The following TP63 variants were observed in gnomAD, a reference collection of about 807,000 sequenced individuals.
The protein encoded by TP63 is tumor protein p63, also known as tumor protein 63.
TP63 carries 17 observed loss-of-function variants against 82.8 expected under a neutral mutation model. The observed-to-expected ratio is 0.21, with a 90% CI of 0.14 to 0.31. The LOEUF (loss-of-function observed/expected upper bound fraction) is 0.31. Among genes scored for constraint, TP63 ranks in the 10% least tolerant of loss-of-function variants. TP63 has a pLI of 1.00. For missense variants in TP63, 648 were observed against 895.3 expected, an observed-to-expected ratio of 0.72 and a Z score of 3.52; for synonymous variants, 330 against 321.7, an observed-to-expected ratio of 1.03 and a Z score of -0.28.
At chr3:189,789,238 A>C (rs1724879007) in intron 3 of TP63, among the ~76,000 whole-genome samples, 1 of 152,048 alleles carries the variant, frequency 6.6e-6, no homozygotes, top group African/African-American at 2.4e-5. Context: ...ACTTTGTGTA[A>C]TCATTCTTGA....
chr3:189,737,864 G>A lies in TP63; in HGVS notation c.187G>A (p.Glu63Lys), dbSNP rs1720709001. Reference protein sequence around the residue: ...EVFQHIWDFLEQPICSVQPID... With the variant: ...EVFQHIWDFLKQPICSVQPID... ...TTTCCAGCATATCTGGGATTTTCTG[G>A]AACAGTAAGTATAAAACAAGCAAGA... The change falls in exon 2 of 14, where the codon GAA becomes AAA. Residue 63 changes from glutamate to lysine, a missense_variant. By Grantham distance (56) the Glu-to-Lys change is moderately conservative. Around this residue, in one of 5 missense-constraint regions of TP63, gnomAD observed 182 missense variants for 213.6 expected, o/e 0.85. Coordinates refer to ENST00000264731, the MANE Select transcript of TP63 (RefSeq NM_003722.5). 1 of 1,613,660 alleles carries A rather than the reference G, an allele frequency of 6.2e-7. No individual in the cohort carries two copies.
Position 189,873,641 on chromosome 3 carries a change from C to T in TP63, c.1349+646C>T, listed in dbSNP as rs192687078. ...AAGCCAGATTTTTCAAGTATATTAC[C>T]ATATACATATAACCTATTTATATGT... On this transcript the variant is annotated intron_variant, in intron 10 of 13. Transcript: ENST00000264731. 6 of 161,700 alleles carry T rather than the reference C, an allele frequency of 3.7e-5. No individual in the cohort carries two copies. The East Asian group carries it at 8.8e-4, about 24-fold the overall frequency. 10.0% of individuals were successfully genotyped at this position (161,700 alleles called of 1,614,324 possible).
chr3:189,724,769 G>A (rs1719646733), intron 1 of TP63, among the ~76,000 whole-genome samples: 2 of 152,166 alleles, frequency 1.3e-5, no homozygotes, highest in South Asian at 4.1e-4. Context: ...CAAGCATTAT[G>A]GTTATGGAAC....
chr3:189,878,922 C>T (rs948943959), intron 10 of TP63, among the ~76,000 whole-genome samples: 1 of 143,282 alleles, frequency 7.0e-6, no homozygotes, highest in Non-Finnish European at 1.5e-5. Flanking sequence ...GCCACCGCGC[C>T]CAGCCTACAG....
chr3:189,694,817 TTTTTTTGAG>T (rs1717237272), intron 1 of TP63, among the ~76,000 whole-genome samples: 1 of 79,436 alleles, frequency 1.3e-5, no homozygotes, highest in African/African-American at 4.8e-5. Context: ...TTTTTTTTTT[TTTTTTTGAG>T]ACAGAGTCTC....
intron 1 of TP63, among the ~76,000 whole-genome samples, chr3:189,704,042 C>A (rs934741571): frequency 6.6e-6 from 1 of 152,234 alleles, no homozygotes; most frequent in Non-Finnish European, 1.5e-5. Flanking sequence ...GAGAACATTT[C>A]TTTGGGTTCA....
chr3:189,647,588 A>G (rs1712526837), intron 1 of TP63, among the ~76,000 whole-genome samples: 1 of 146,644 alleles, frequency 6.8e-6, no homozygotes, highest in Non-Finnish European at 1.5e-5. Flanking sequence ...GATTGTTTTT[A>G]GGGAGATGGG....
At chr3:189,686,710 G>T (rs1450152903) in intron 1 of TP63, among the ~76,000 whole-genome samples, 1 of 148,838 alleles carries the variant, frequency 6.7e-6, no homozygotes, top group Non-Finnish European at 1.5e-5. Context: ...CTTTACTCAG[G>T]GGGTGGGGGG....
intron 3 of TP63, among the ~76,000 whole-genome samples, chr3:189,747,610 T>A (rs1193495611): frequency 6.6e-6 from 1 of 151,946 alleles, no homozygotes; most frequent in African/African-American, 2.4e-5. Flanking sequence ...TTTATAGTAA[T>A]AAATGCCTAC....
chr3:189,737,151 A>G (rs1014354597), intron 1 of TP63, among the ~76,000 whole-genome samples: 2 of 152,174 alleles, frequency 1.3e-5, no homozygotes, highest in African/African-American at 4.8e-5. Context: ...CCACCCACAC[A>G]TCAAGGTAAG....
rs377505717 is a variant in TP63, at chr3:189,864,208, T to A, written c.580-24T>A. The A allele has an allele frequency of 2.7e-5, 44 of 1,614,100 alleles. No individual in the cohort carries two copies. In the African/African-American group the frequency reaches 4.7e-4, roughly 17 times the overall value. Reference sequence around the variant, plus strand: ...TCCTGTTGGTTCTCTCCTTCCTTTCTCCACTGGCCCCAACTCTAAGCAGTA... The same window carrying A: ...TCCTGTTGGTTCTCTCCTTCCTTTCACCACTGGCCCCAACTCTAAGCAGTA... On this transcript the variant is annotated intron_variant, in intron 4 of 13. Coordinates refer to ENST00000264731, the MANE Select transcript of TP63 (RefSeq NM_003722.5).
At chr3:189,645,509 T>C (rs953937193) in intron 1 of TP63, 3 of 181,904 alleles carry the variant, frequency 1.6e-5, no homozygotes, top group African/African-American at 7.1e-5. Flanking sequence ...ATTTTTTTAT[T>C]ATTTATTTTA....
Position 189,735,681 on chromosome 3 carries a change from C to T in TP63, c.63-2059C>T, listed in dbSNP as rs976331429. ...CTGATGCAGGAACATTCTAAATAGC[C>T]GCTTTACCCATAAACTGACATGCTG... On this transcript the variant is annotated intron_variant, in intron 1 of 13. Transcript: ENST00000264731. Among the ~76,000 whole-genome samples the T allele has an allele frequency of 2.6e-5, 4 of 152,226 alleles. No homozygotes were observed. In the South Asian group the frequency reaches 6.2e-4, roughly 24 times the overall value.
At chr3:189,701,258 C>T (rs1438618033) in intron 1 of TP63, among the ~76,000 whole-genome samples, 5 of 151,922 alleles carry the variant, frequency 3.3e-5, no homozygotes, top group Admixed American at 6.6e-5. Context: ...AGAATTATCT[C>T]TAATGAAAGG....
At chr3:189,695,850 T>C (rs1310486262) in intron 1 of TP63, among the ~76,000 whole-genome samples, 1 of 152,204 alleles carries the variant, frequency 6.6e-6, no homozygotes, top group Non-Finnish European at 1.5e-5. Flanking sequence ...TTTTATCAAG[T>C]AAAGTACAGT....
intron 1 of TP63, among the ~76,000 whole-genome samples, chr3:189,686,731 GTTT>G (rs35520871): frequency 2.6e-5 from 3 of 114,242 alleles, no homozygotes; most frequent in East Asian, 2.8e-4. Flanking sequence ...CAGGGGCAGG[GTTT>G]TTTTTTTTTT....
chr3:189,656,622 T>C (rs1216007003), intron 1 of TP63, among the ~76,000 whole-genome samples: 4 of 152,016 alleles, frequency 2.6e-5, no homozygotes, highest in Non-Finnish European at 5.9e-5. Flanking sequence ...TGTAAAAAAC[T>C]CACTTTAAAT....
intron 12 of TP63, 131 bp from the exon 13 acceptor site, chr3:189,890,658 T>G: frequency 1.4e-6 from 1 of 734,492 alleles, no homozygotes; most frequent in Non-Finnish European, 2.4e-6. Flanking sequence ...ACATATATAT[T>G]ACCCAATCCT....
intron 4 of TP63, among the ~76,000 whole-genome samples, chr3:189,837,348 T>C (rs1713306587): frequency 6.8e-6 from 1 of 147,390 alleles, no homozygotes; most frequent in Admixed American, 6.8e-5. Context: ...CCTGGCAATC[T>C]ACCTTGAAGA....
Sources: allele counts gnomAD v4.1 joint callset (sites outside exome capture counted in the v4.1 genomes callset), GRCh38; gene constraint gnomAD v4.1.1; regional missense constraint gnomAD v4.1.1; transcripts MANE v1.5; gene names NCBI Gene and HGNC (gene_info 2026-07-23, HGNC 2026-07-21).